Variants in PSMC3IP observed in about 807,000 individuals in gnomAD.
PSMC3IP encodes homologous-pairing protein 2 homolog.
In PSMC3IP, 26 loss-of-function variants were observed where a neutral mutation model predicts 34.9. That is an observed-to-expected ratio of 0.74 (90% CI 0.55 to 1.03). PSMC3IP has a LOEUF of 1.03. Among genes scored for constraint, PSMC3IP ranks in the 50% least tolerant of loss-of-function variants. The pLI is 0.00. For synonymous variants in PSMC3IP, 87 were observed against 96.5 expected, an observed-to-expected ratio of 0.90 and a Z score of 0.57; for missense variants, 250 against 263.1, an observed-to-expected ratio of 0.95 and a Z score of 0.34.
chr17:42,575,691 T>C lies in PSMC3IP; in HGVS notation c.226-1481A>G, dbSNP rs2093070708. On this transcript the variant is annotated intron_variant, in intron 3 of 7. Coordinates refer to ENST00000393795, the MANE Select transcript of PSMC3IP (RefSeq NM_016556.4). ...GTTGAATAAAGGAGACAAGTAAAAA[T>C]TGTAATACAGCATGCCTCAAAAGAG... Among the ~76,000 whole-genome samples, 3 of 151,892 alleles carry C rather than the reference T, an allele frequency of 2.0e-5. No homozygotes were observed. The South Asian group carries it at 6.2e-4, about 32-fold the overall frequency.
At position 42,573,770 on chromosome 17, in the gene PSMC3IP, A is replaced by G. The variant is rs77165871; in HGVS notation, c.338-147T>C. 2.9e-3 allele frequency: 4,307 copies of G among 1,497,580 alleles called. 115 individuals are homozygous for G. In the African/African-American group the frequency reaches 0.053, roughly 18 times the overall value. The allele number at this position is 1,497,580 out of a possible 1,614,324, so 92.8% of individuals were successfully genotyped here. On this transcript the variant is annotated intron_variant, in intron 4 of 7. Coordinates refer to ENST00000393795, the MANE Select transcript of PSMC3IP (RefSeq NM_016556.4). ...GCCATACAGGATTATTTATTCTTCT[A>G]ATTTTCTTTCCTCCTCCATCTACAA...
chr17:42,577,052 T>G, intron 3 of PSMC3IP, 161 bp downstream of exon 3: 1 of 1,493,788 alleles, frequency 6.7e-7, no homozygotes, highest in Non-Finnish European at 9.0e-7. Flanking sequence ...CCTCGTGAAG[T>G]TGGGATCCTA....
intron 3 of PSMC3IP, among the ~76,000 whole-genome samples, chr17:42,575,261 G>A (rs1262809126): frequency 6.6e-6 from 1 of 152,214 alleles, no homozygotes; most frequent in Non-Finnish European, 1.5e-5. Flanking sequence ...GCAGAGGCCA[G>A]CAAACTATGG....
At position 42,577,704 on chromosome 17, in the gene PSMC3IP, A is replaced by G; in HGVS notation, c.-18T>C. The G allele has an allele frequency of 3.7e-6, 6 of 1,613,906 alleles. No individual in the cohort carries two copies. Among genetic ancestry groups the G allele is most frequent in the South Asian group, 2.2e-5 (2 of 91,086 alleles). On this transcript the variant is annotated 5_prime_UTR_variant, in exon 1 of 8. Transcript: ENST00000393795. ...TTACTCATCGCCTTTCCCGCCACCC[A>G]ACTCAGAAAGCCGGACGTTGTAGTT...
chr17:42,573,021 C>G lies in PSMC3IP; in HGVS notation c.601G>C (p.Glu201Gln). The G allele has an allele frequency of 6.2e-7, 1 of 1,614,238 alleles. No individual in the cohort carries two copies. The highest frequency in any genetic ancestry group is 8.5e-7 in the Non-Finnish European group (1 of 1,180,038). ...TCTTCATCCGTCTCTATCCCAACTT[C>G]CTCCTGTGAGACAGGGAGACAAGTG... ...YPKSKKQFFE[E>Q]VGIETDEDYN... Residue 201 changes from glutamate (E) to glutamine (Q), a missense_variant, in exon 8 of 8, where the codon GAA becomes CAA. Glu to Gln is a conservative substitution (Grantham distance 29, BLOSUM62 2). Coordinates refer to ENST00000393795, the MANE Select transcript of PSMC3IP (RefSeq NM_016556.4).
intron 1 of PSMC3IP, 27 bp from the exon 2 acceptor site, chr17:42,577,588 G>A (rs1312339506): frequency 4.3e-6 from 7 of 1,614,028 alleles, no homozygotes; most frequent in Admixed American, 3.3e-5. Context: ...AGGGGAGGGG[G>A]CCACTCAACC....
chr17:42,573,506 T>C lies in PSMC3IP; in HGVS notation c.455A>G (p.Asn152Ser), dbSNP rs768245349. Residue 152 changes from asparagine (N) to serine (S), a missense_variant, in exon 5 of 8, where the codon AAT becomes AGT. By Grantham distance (46) the Asn-to-Ser change is conservative. Coordinates refer to ENST00000393795, the MANE Select transcript of PSMC3IP (RefSeq NM_016556.4). ...CTCTTTCTCTTCTGGAGTCACATGA[T>C]TGGTAGCTGCTTTAATGTTCTTCAA... Reference protein sequence around the residue: ...ERLKNIKAATNHVTPEEKEQV... With the variant: ...ERLKNIKAATSHVTPEEKEQV... 2 of 1,614,216 alleles carry C rather than the reference T, an allele frequency of 1.2e-6. No homozygotes were observed. Among genetic ancestry groups the C allele is most frequent in the East Asian group, 4.5e-5 (2 of 44,884 alleles).
rs1374124196 is a variant in PSMC3IP, at chr17:42,572,483, G to A, written c.*485C>T. ...AGGACTTGGGGGTGGGGTGAAAAGC[G>A]TACAAAAGATACTTAAAAGGGCTCC... On this transcript the variant is annotated 3_prime_UTR_variant, in exon 8 of 8. Transcript: ENST00000393795. The A allele has an allele frequency of 3.1e-5, 14 of 454,266 alleles. No individual in the cohort carries two copies. Among genetic ancestry groups the A allele is most frequent in the Middle Eastern group, 6.8e-4 (1 of 1,464 alleles). The allele number at this position is 454,266 out of a possible 1,614,324, so 28.1% of individuals were successfully genotyped here.
chr17:42,574,039 T>C, intron 4 of PSMC3IP, 60 bp downstream of exon 4: 3 of 1,602,818 alleles, frequency 1.9e-6, no homozygotes, highest in Non-Finnish European at 1.7e-6. Flanking sequence ...ATTTAGTAAT[T>C]CCTGACCTCT....
rs182491703 is a variant in PSMC3IP at position 42,572,321 on chromosome 17, A to C, written c.*647T>G. On this transcript the variant is annotated 3_prime_UTR_variant, in exon 8 of 8. Coordinates refer to ENST00000393795, the MANE Select transcript of PSMC3IP (RefSeq NM_016556.4). ...GTATAACACAGCACTACATATTGGA[A>C]ATTTTTTATTTTTCTAAATACCAAT... 1 of 453,854 alleles carries C rather than the reference A, an allele frequency of 2.2e-6. No homozygotes were observed. The highest frequency in any genetic ancestry group is 6.9e-5 in the East Asian group (1 of 14,512). The allele number at this position is 453,854 out of a possible 1,614,324, so 28.1% of individuals were successfully genotyped here. A position where few individuals can be genotyped will look rare whatever the true frequency, so the allele number is the denominator to read the frequency against.
chr17:42,575,780 G>A (rs746876040), intron 3 of PSMC3IP, among the ~76,000 whole-genome samples: 15 of 151,430 alleles, frequency 9.9e-5, no homozygotes, highest in African/African-American at 3.2e-4. Flanking sequence ...AGGCCGAGGC[G>A]GGTGGATCAC....
intron 4 of PSMC3IP, 27 bp downstream of exon 4, chr17:42,574,072 C>T (rs904062871): frequency 1.2e-6 from 2 of 1,613,620 alleles, no homozygotes; most frequent in East Asian, 2.2e-5. Flanking sequence ...AGCCTATGGG[C>T]ACTTTGGAGG....
At chr17:42,577,823 C>T, upstream of PSMC3IP, 1 of 1,053,678 alleles carries the variant, frequency 9.5e-7, no homozygotes, top group Non-Finnish European at 1.5e-6. Flanking sequence ...GCGACCCCTC[C>T]CGGACTCCAT....
chr17:42,573,487 C>T lies in PSMC3IP; in HGVS notation c.474G>A (p.Glu158=). 1 of 1,614,262 alleles carries T rather than the reference C, an allele frequency of 6.2e-7. No homozygotes were observed. Among genetic ancestry groups the T allele is most frequent in the Non-Finnish European group, 8.5e-7 (1 of 1,180,056 alleles). Reference sequence around the variant, plus strand: ...CAGCCTTCCAGCTCACCTGCTCTTTCTCTTCTGGAGTCACATGATTGGTAG... The same window carrying T: ...CAGCCTTCCAGCTCACCTGCTCTTTTTCTTCTGGAGTCACATGATTGGTAG... ...KAATNHVTPE[E]KEQVYRERQK... Residue 158 remains glutamate (E), a synonymous_variant, in exon 5 of 8, where the codon GAG becomes GAA. Coordinates refer to ENST00000393795, the MANE Select transcript of PSMC3IP (RefSeq NM_016556.4).
intron 4 of PSMC3IP, 101 bp downstream of exon 4, chr17:42,573,998 G>T (rs758670328): frequency 6.4e-7 from 1 of 1,559,952 alleles, no homozygotes; most frequent in Non-Finnish European, 8.7e-7. Context: ...GGTCTTAGCT[G>T]CAACAAGATG....
At chr17:42,577,784 C>G (rs774694994), upstream of PSMC3IP, 18 of 1,452,736 alleles carry the variant, frequency 1.2e-5, no homozygotes, top group East Asian at 2.3e-5. Context: ...CGGTGATTGG[C>G]TGAAGGGGAA....
chr17:42,573,372 G>A lies in PSMC3IP; in HGVS notation c.484-8C>T. 6.2e-7 allele frequency: 1 copy of A among 1,614,056 alleles called. No individual in the cohort carries two copies. The highest frequency in any genetic ancestry group is 8.5e-7 in the Non-Finnish European group (1 of 1,180,022). On this transcript the variant is annotated splice_polypyrimidine_tract_variant and splice_region_variant and intron_variant, in intron 5 of 7. Coordinates refer to ENST00000393795, the MANE Select transcript of PSMC3IP (RefSeq NM_016556.4). ...CTGCCTCTCTCTGTACACCTAGAAG[G>A]AAAAAGCAAGTTCCTCTAACTCCTC...
At chr17:42,573,387 T>TCTAA (rs765213206) in intron 5 of PSMC3IP, 23 bp from the exon 6 acceptor site, 4 of 1,614,176 alleles carry the variant, frequency 2.5e-6, no homozygotes, top group African/African-American at 1.3e-5. Flanking sequence ...AGCAAGTTCC[T>TCTAA]CTAACTCCTC....
chr17:42,577,653 C>G lies in PSMC3IP; in HGVS notation c.34G>C (p.Ala12Pro). ...TTCCCCGCGCCCACGGCGCCGTTAC[C>G]TCCCGCCGCAGCTTCTGCCCGGCCT... ...SKGRAEAAAG[A>P]AGILLRYLQE... Residue 12 changes from alanine to proline, a missense_variant and splice_region_variant, in exon 1 of 8, where the codon GCC (alanine) becomes CCC (proline). Transcript: ENST00000393795. The G allele has an allele frequency of 6.2e-7, 1 of 1,614,150 alleles. No individual in the cohort carries two copies. Among genetic ancestry groups the G allele is most frequent in the South Asian group, 1.1e-5 (1 of 91,088 alleles).
Sources: gnomAD v4.1 joint callset for allele counts (sites outside exome capture counted in the v4.1 genomes callset) on GRCh38, gnomAD v4.1.1 for gene constraint, MANE v1.5 for transcripts, NCBI Gene and HGNC (gene_info 2026-07-23, HGNC 2026-07-21) for gene names.